OTUD7A: variants seen among roughly 807,000 people sequenced by gnomAD.
The protein encoded by OTUD7A is OTU deubiquitinase 7A.
Under a neutral mutation model 65.7 loss-of-function variants are expected in OTUD7A, and 12 were observed. The observed-to-expected ratio is 0.18, with a 90% confidence interval of 0.12 to 0.30. The LOEUF is 0.30. OTUD7A is among the 10% of genes least tolerant of loss of function. The pLI is 1.00. For synonymous variants in OTUD7A, 641 were observed against 586.3 expected (o/e 1.09, Z -1.35); for missense variants, 1,148 against 1,304.8 (o/e 0.88, Z 1.85).
In OTUD7A at chr15:31,483,586, A is replaced by G. The variant is rs1290321081; in HGVS notation, c.2510T>C (p.Val837Ala). The G allele has an allele frequency of 8.1e-7, 1 of 1,236,300 alleles. No homozygotes were observed. Among genetic ancestry groups the G allele is most frequent in the Non-Finnish European group, 1.0e-6 (1 of 992,762 alleles). The allele number at this position is 1,236,300 out of a possible 1,614,324, so 76.6% of individuals were successfully genotyped here. A position where few individuals can be genotyped will look rare whatever the true frequency, so the allele number is the denominator to read the frequency against. The change falls in exon 13 of 13, where the codon GTG (valine) becomes GCG (alanine). Residue 837 changes from valine (V) to alanine (A), a missense_variant. This residue lies in a region of OTUD7A where 842 missense variants were observed against 769.5 expected (regional missense o/e 1.09). Coordinates refer to ENST00000307050, the MANE Select transcript of OTUD7A (RefSeq NM_001382637.1). Reference sequence around the variant, plus strand: ...CGCCGCGCCCGGTAGGGCCCCGGGCACCGCGCGCGCCAGCGACTCGACCGT... The same window carrying G: ...CGCCGCGCCCGGTAGGGCCCCGGGCGCCGCGCGCGCCAGCGACTCGACCGT... Reference protein sequence around the residue: ...VNTVESLARAVPGALPGAAGT... With the variant: ...VNTVESLARAAPGALPGAAGT...
chr15:31,759,201 T>G (rs1355325482), intron 1 of OTUD7A, among the ~76,000 whole-genome samples: 1 of 152,206 alleles, frequency 6.6e-6, no homozygotes, highest in Non-Finnish European at 1.5e-5. Context: ...AGCCATCAGC[T>G]CTGTCTCTGT....
chr15:31,501,717 C>T lies in OTUD7A; in HGVS notation c.1144G>A (p.Glu382Lys). ...TGTTCTCTTTGCTGGTCTCTCTGTTCCATGGACACAAGGGCAGAGAAATGG... is the reference window on the plus strand; with the variant it reads ...TGTTCTCTTTGCTGGTCTCTCTGTTTCATGGACACAAGGGCAGAGAAATGG... ...QAHFSALVSMEQRDQQREQAV... is the reference protein window; with the variant it reads ...QAHFSALVSMKQRDQQREQAV... The change falls in exon 10 of 13, where the codon GAA becomes AAA. Residue 382 changes from glutamate to lysine, a missense_variant. Glu to Lys is a moderately conservative substitution (Grantham distance 56). This residue lies in a region of OTUD7A where 58 missense variants were observed against 131.4 expected (regional missense o/e 0.44). Transcript: ENST00000307050. 1 of 1,614,208 alleles carries T rather than the reference C, an allele frequency of 6.2e-7. No homozygotes were observed.
chr15:31,506,748 C>G (rs747786073), intron 8 of OTUD7A, among the ~76,000 whole-genome samples: 4 of 152,126 alleles, frequency 2.6e-5, no homozygotes, highest in Non-Finnish European at 5.9e-5. Context: ...ATGAGAGGCA[C>G]AGTGTAAGTT....
chr15:31,759,736 C>T (rs1263909441), intron 1 of OTUD7A, among the ~76,000 whole-genome samples: 3 of 152,106 alleles, frequency 2.0e-5, no homozygotes, highest in Non-Finnish European at 4.4e-5. Context: ...CCATGTTGGC[C>T]AGGCTGGTCT....
chr15:31,624,686 T>A (rs573369372), intron 3 of OTUD7A, among the ~76,000 whole-genome samples: 75 of 152,278 alleles, frequency 4.9e-4, no homozygotes, highest in African/African-American at 1.7e-3. Flanking sequence ...CACCATTTTA[T>A]AACTGCAGAA....
intron 4 of OTUD7A, 42 bp from the exon 5 acceptor site, chr15:31,559,229 GT>G: frequency 6.4e-7 from 1 of 1,569,202 alleles, no homozygotes; most frequent in Non-Finnish European, 8.7e-7. Context: ...GGCTGAGTGG[GT>G]GTAGGTGTGG....
chr15:31,639,925 A>G (rs1891460698), intron 3 of OTUD7A, among the ~76,000 whole-genome samples: 1 of 152,206 alleles, frequency 6.6e-6, no homozygotes, highest in South Asian at 2.1e-4. Flanking sequence ...ACTTTACCAG[A>G]TATATGATTT....
intron 1 of OTUD7A, among the ~76,000 whole-genome samples, chr15:31,724,546 A>T (rs541224313): frequency 2.6e-5 from 4 of 152,332 alleles, no homozygotes; most frequent in Non-Finnish European, 5.9e-5. Flanking sequence ...TGCAATCCTA[A>T]GGAGATAGGA....
intron 3 of OTUD7A, among the ~76,000 whole-genome samples, chr15:31,622,750 T>C (rs1305646138): frequency 2.0e-5 from 3 of 152,234 alleles, no homozygotes; most frequent in Non-Finnish European, 4.4e-5. Context: ...GTCTGAAGCC[T>C]TCTTCTCTCA....
intron 12 of OTUD7A, among the ~76,000 whole-genome samples, chr15:31,485,662 C>G (rs1434574653): frequency 6.6e-6 from 1 of 152,136 alleles, no homozygotes; most frequent in Non-Finnish European, 1.5e-5. Flanking sequence ...GAATTCTGAC[C>G]GAGTGTCATT....
At chr15:31,606,530 G>C (rs1455782577) in intron 3 of OTUD7A, among the ~76,000 whole-genome samples, 1 of 152,156 alleles carries the variant, frequency 6.6e-6, no homozygotes. Flanking sequence ...CAGATCATCT[G>C]TGTTCATGAC....
intron 3 of OTUD7A, among the ~76,000 whole-genome samples, chr15:31,623,310 A>C (rs1410464360): frequency 6.6e-6 from 1 of 152,182 alleles, no homozygotes; most frequent in Admixed American, 6.5e-5. Context: ...TGGGACATTT[A>C]AGTCTGCAGA....
intron 3 of OTUD7A, among the ~76,000 whole-genome samples, chr15:31,582,099 A>G (rs1889389842): frequency 1.3e-5 from 2 of 152,180 alleles, no homozygotes; most frequent in African/African-American, 4.8e-5. Flanking sequence ...ATCTCTCTCA[A>G]GTTCAAACTT....
intron 8 of OTUD7A, among the ~76,000 whole-genome samples, chr15:31,510,139 G>A (rs1469012804): frequency 6.6e-6 from 1 of 151,262 alleles, no homozygotes; most frequent in East Asian, 1.9e-4. Context: ...TTCTGGGCTG[G>A]GTGGGATTTG....
chr15:31,572,152 T>G (rs1428272547), intron 3 of OTUD7A, among the ~76,000 whole-genome samples: 1 of 152,218 alleles, frequency 6.6e-6, no homozygotes, highest in African/African-American at 2.4e-5. Flanking sequence ...CAATTTCTAG[T>G]CTCCTTATCT....
At chr15:31,866,531 C>G (rs1269346317) in intron 1 of OTUD7A, among the ~76,000 whole-genome samples, 1 of 152,210 alleles carries the variant, frequency 6.6e-6, no homozygotes, top group African/African-American at 2.4e-5. Context: ...GCGGTTCCCC[C>G]CTTGTGGCAT....
intron 3 of OTUD7A, among the ~76,000 whole-genome samples, chr15:31,592,639 G>C (rs1017367653): frequency 6.6e-6 from 1 of 151,700 alleles, no homozygotes; most frequent in Admixed American, 6.6e-5. Flanking sequence ...CCAGCATTTT[G>C]GGAGGCTGAG....
intron 3 of OTUD7A, among the ~76,000 whole-genome samples, chr15:31,596,968 AG>A (rs1889923427): frequency 6.6e-6 from 1 of 152,194 alleles, no homozygotes; most frequent in South Asian, 2.1e-4. Flanking sequence ...TCTATTACCC[AG>A]GCTGGAGTGC....
intron 1 of OTUD7A, among the ~76,000 whole-genome samples, chr15:31,843,230 G>C (rs1897225934): frequency 1.3e-5 from 2 of 151,668 alleles, no homozygotes; most frequent in South Asian, 4.2e-4. Flanking sequence ...CAACTTCTGG[G>C]GGAATTTCTC....
Sources: allele counts gnomAD v4.1 joint callset (sites outside exome capture counted in the v4.1 genomes callset), GRCh38; gene constraint gnomAD v4.1.1; regional missense constraint gnomAD v4.1.1; transcripts MANE v1.5; gene names NCBI Gene and HGNC (gene_info 2026-07-23, HGNC 2026-07-21).